Variants in PTPRN2 observed in about 807,000 individuals in gnomAD.
PTPRN2 encodes receptor-type tyrosine-protein phosphatase N2.
A neutral mutation model predicts 118.8 loss-of-function variants in PTPRN2; 74 were observed. The observed-to-expected ratio is 0.62, with a 90% CI of 0.52 to 0.76. The LOEUF (loss-of-function observed/expected upper bound fraction) is 0.76, where lower values mean the gene tolerates loss of function less well. PTPRN2 is among the 30% of genes least tolerant of loss of function. The probability of loss-of-function intolerance (pLI) is 0.00; values close to 1 mark genes in which losing one functional copy is unlikely to be tolerated. For synonymous variants in PTPRN2, 641 were observed against 608.0 expected (o/e 1.05, Z -0.80); for missense variants, 1,481 against 1,394.4 (o/e 1.06, Z -0.99).
At chr7:158,245,804 C>T (rs1387663878) in intron 3 of PTPRN2, among the ~76,000 whole-genome samples, 34 of 152,116 alleles carry the variant, frequency 2.2e-4, no homozygotes, top group African/African-American at 4.8e-5. Context: ...CACAGTAGGT[C>T]GCTTGTGCGT....
At chr7:157,568,443 G>A (rs756140727) in intron 21 of PTPRN2, among the ~76,000 whole-genome samples, 2 of 152,226 alleles carry the variant, frequency 1.3e-5, no homozygotes, top group Admixed American at 6.5e-5. Context: ...AATTACTAAC[G>A]GATATTTTTA....
intron 12 of PTPRN2, among the ~76,000 whole-genome samples, chr7:157,755,422 C>T (rs773031011): frequency 4.6e-5 from 7 of 152,024 alleles, no homozygotes; most frequent in Non-Finnish European, 7.4e-5. Flanking sequence ...AGAAGTTCAT[C>T]GAACTTCTAG....
intron 12 of PTPRN2, among the ~76,000 whole-genome samples, chr7:157,803,682 C>T (rs571453271): frequency 8.5e-5 from 13 of 152,274 alleles, no homozygotes; most frequent in Admixed American, 2.6e-4. Context: ...TGTGAAGAGG[C>T]GACCCTTCCC....
chr7:157,720,299 A>G (rs1799159220), intron 12 of PTPRN2, among the ~76,000 whole-genome samples: 1 of 152,178 alleles, frequency 6.6e-6, no homozygotes, highest in Non-Finnish European at 1.5e-5. Context: ...GTGACACTGC[A>G]GCCACTCTTG....
At position 157,831,105 on chromosome 7, in the gene PTPRN2, A is replaced by G. The variant is rs1807532971; in HGVS notation, c.1788+67568T>C. Among the ~76,000 whole-genome samples the G allele has an allele frequency of 2.6e-5, 4 of 152,206 alleles. No individual in the cohort carries two copies. Among genetic ancestry groups the G allele is most frequent in the Non-Finnish European group, 5.9e-5 (4 of 68,046 alleles). Reference sequence around the variant, plus strand: ...TTACTCTTCTTTCAACTTGTTTGACAGTGTGGAGTTTGCAAAATAAAATTC... The same window carrying G: ...TTACTCTTCTTTCAACTTGTTTGACGGTGTGGAGTTTGCAAAATAAAATTC... On this transcript the variant is annotated intron_variant, in intron 12 of 22. Coordinates refer to ENST00000389418, the MANE Select transcript of PTPRN2 (RefSeq NM_002847.5). This position sits in a 1 kb window ranked among gnomAD's most constrained non-coding sequence, Gnocchi z 4.8.
intron 14 of PTPRN2, among the ~76,000 whole-genome samples, chr7:157,645,817 C>T (rs745418485): frequency 5.3e-5 from 8 of 152,166 alleles, no homozygotes; most frequent in Non-Finnish European, 1.0e-4. Context: ...ACAATGATGC[C>T]GAGTGGCTGT....
intron 2 of PTPRN2, among the ~76,000 whole-genome samples, chr7:158,425,101 T>C (rs1024090809): frequency 6.6e-6 from 1 of 152,258 alleles, no homozygotes; most frequent in Non-Finnish European, 1.5e-5. Context: ...TCATGTTCAT[T>C]GCTGCTAAGA....
intron 11 of PTPRN2, among the ~76,000 whole-genome samples, chr7:158,074,256 G>T (rs1203263697): frequency 2.6e-5 from 4 of 152,196 alleles, no homozygotes; most frequent in Admixed American, 2.6e-4. Context: ...CAGCATCACA[G>T]CCTCCTGCCG....
intron 17 of PTPRN2, among the ~76,000 whole-genome samples, chr7:157,580,901 T>TG (rs1800337664): frequency 1.0e-5 from 1 of 95,774 alleles, no homozygotes; most frequent in African/African-American, 4.2e-5. Context: ...CCCCAGCACC[T>TG]CCACACCGTG....
chr7:157,615,557 GCCCT>G lies in PTPRN2; in HGVS notation c.2344+5801_2344+5804del. ...AGGCCGGGCCGTGGAAACAATCTCA[GCCCT>G]GGAACCAGCGCCTGGGAAGTCCCGC... On this transcript the variant is annotated intron_variant, in intron 15 of 22. Transcript: ENST00000389418. This position sits in a 1 kb window ranked among gnomAD's most constrained non-coding sequence, Gnocchi z 4.3. The G allele has an allele frequency of 2.1e-6, 1 of 471,250 alleles. No homozygotes were observed. Among genetic ancestry groups the G allele is most frequent in the Non-Finnish European group, 4.4e-6 (1 of 227,080 alleles). 29.2% of individuals were successfully genotyped at this position (471,250 alleles called of 1,614,324 possible).
At chr7:158,425,614 GA>G (rs1815674160) in intron 2 of PTPRN2, among the ~76,000 whole-genome samples, 9 of 128,374 alleles carry the variant, frequency 7.0e-5, no homozygotes, top group African/African-American at 2.6e-4. Context: ...GAAAGACCCA[GA>G]GTCCGAGTCC....
intron 1 of PTPRN2, among the ~76,000 whole-genome samples, chr7:158,498,809 G>A (rs944396099): frequency 1.1e-4 from 16 of 152,168 alleles, no homozygotes; most frequent in Admixed American, 8.5e-4. Context: ...AACTTCAACC[G>A]GTAACTCTCA....
rs1353889622 is a variant in PTPRN2, at chr7:157,733,953, G to A, written c.1789-51016C>T. Among the ~76,000 whole-genome samples, 6 of 44,012 alleles carry A rather than the reference G, an allele frequency of 1.4e-4. 1 individual carries two copies. Among genetic ancestry groups the A allele is most frequent in the African/African-American group, 4.0e-4 (5 of 12,650 alleles). 28.9% of individuals were successfully genotyped at this position (44,012 alleles called of 152,430 possible). On this transcript the variant is annotated intron_variant, in intron 12 of 22. Transcript: ENST00000389418. ...ACAGTTACCCTTTCCCGTCCCATGCGCCCAGCACAGTTACCCTTTCCCGTC... is the reference window on the plus strand; with the variant it reads ...ACAGTTACCCTTTCCCGTCCCATGCACCCAGCACAGTTACCCTTTCCCGTC...
chr7:157,654,589 C>T (rs752770262), intron 14 of PTPRN2, among the ~76,000 whole-genome samples: 6 of 152,110 alleles, frequency 3.9e-5, no homozygotes, highest in Non-Finnish European at 7.3e-5. Flanking sequence ...GTGTGGCCCT[C>T]GATGACCCCC....
rs1800855038 is a variant in PTPRN2, at chr7:157,745,294, T to G, written c.1789-62357A>C. Among the ~76,000 whole-genome samples, 3 of 152,098 alleles carry G rather than the reference T, an allele frequency of 2.0e-5. No homozygotes were observed. In the South Asian group the frequency reaches 6.2e-4, roughly 32 times the overall value. ...AGGTCATCACAGATCCAGCCAGTGA[T>G]CTGCTGGATGAGAAGCTTCTGCACG... On this transcript the variant is annotated intron_variant, in intron 12 of 22. Coordinates refer to ENST00000389418, the MANE Select transcript of PTPRN2 (RefSeq NM_002847.5).
intron 13 of PTPRN2, among the ~76,000 whole-genome samples, chr7:157,659,920 T>G (rs1795811544): frequency 6.6e-6 from 1 of 151,988 alleles, no homozygotes; most frequent in African/African-American, 2.4e-5. Flanking sequence ...AATTTTTCTA[T>G]TTTTAGTAGA....
chr7:157,996,869 C>T (rs971241950), intron 11 of PTPRN2, among the ~76,000 whole-genome samples: 11 of 152,226 alleles, frequency 7.2e-5, no homozygotes, highest in African/African-American at 2.7e-4. Flanking sequence ...CATCTTCCCC[C>T]ACGCCAGGCC....
At chr7:158,382,323 G>C (rs551898838) in intron 2 of PTPRN2, among the ~76,000 whole-genome samples, 1 of 152,106 alleles carries the variant, frequency 6.6e-6, no homozygotes, top group Non-Finnish European at 1.5e-5. Flanking sequence ...CCATGTCCTG[G>C]GTAAGCCACA....
intron 3 of PTPRN2, among the ~76,000 whole-genome samples, chr7:158,248,461 A>C (rs1796399680): frequency 6.6e-6 from 1 of 152,166 alleles, no homozygotes; most frequent in Non-Finnish European, 1.5e-5. Context: ...CAAATCTTAA[A>C]ATGTTTGCAA....
Sources: gnomAD v4.1 joint callset for allele counts (sites outside exome capture counted in the v4.1 genomes callset) on GRCh38, gnomAD v4.1.1 for gene constraint, Gnocchi (gnomAD v3.1) non-coding constraint, MANE v1.5 for transcripts, NCBI Gene and HGNC (gene_info 2026-07-23, HGNC 2026-07-21) for gene names.